Variants in EPG5 observed in about 807,000 individuals in gnomAD.
EPG5 encodes the protein ectopic P granules protein 5 homolog.
Under a neutral mutation model 302.7 loss-of-function variants are expected in EPG5, and 159 were observed. The observed-to-expected ratio is 0.53, with a 90% confidence interval of 0.46 to 0.60. The LOEUF (loss-of-function observed/expected upper bound fraction) is 0.60. Ranked by LOEUF, EPG5 falls within the 20% of genes least tolerant of loss-of-function variation. The pLI is 0.00. For synonymous variants in EPG5, 1,158 were observed against 1,136.8 expected (o/e 1.02, Z -0.37); for missense variants, 2,896 against 3,092.4 (o/e 0.94, Z 1.51).
At position 45,967,221 on chromosome 18, in the gene EPG5, G is replaced by T; in HGVS notation, c.19C>A (p.Pro7Thr). MAEAVK[P>T]QRRAKAKASR... ...GCCTTGGCCTTGGCCCGGCGCTGGGGCTTCACCGCCTCGGCCATAGACCCT... is the reference window on the plus strand; with the variant it reads ...GCCTTGGCCTTGGCCCGGCGCTGGGTCTTCACCGCCTCGGCCATAGACCCT... The change falls in exon 1 of 44, where the codon CCC becomes ACC. Residue 7 changes from proline to threonine, a missense_variant. This residue lies in a region of EPG5 where 1,390 missense variants were observed against 1,430.0 expected (regional missense o/e 0.97). Transcript: ENST00000282041. 1 of 1,604,908 alleles carries T rather than the reference G, an allele frequency of 6.2e-7. No homozygotes were observed.
chr18:45,838,827 G>A, the EPG5 span: 63 of 1,563,838 alleles, frequency 4.0e-5, 1 homozygote, highest in South Asian at 5.1e-4. Flanking sequence ...GGTCCGGCCC[G>A]GCCCTGGGCA....
rs75005183 is a variant in EPG5 at position 45,944,179 on chromosome 18, C to A, written c.1678-60G>T. ...TTGATCAGATCACACTATGATCTAG[C>A]GTTACAGGAGCTAAATTATCACAGG... On this transcript the variant is annotated intron_variant, in intron 7 of 43. Transcript: ENST00000282041. The A allele has an allele frequency of 0.085, 86,818 of 1,027,208 alleles. 4,288 individuals are homozygous for A. The highest frequency in any genetic ancestry group is 0.18 in the African/African-American group (11,094 of 63,212). 63.6% of individuals were successfully genotyped at this position (1,027,208 alleles called of 1,614,324 possible).
the EPG5 span, chr18:45,838,594 G>C: frequency 2.3e-6 from 3 of 1,307,966 alleles, no homozygotes; most frequent in East Asian, 8.2e-5. Context: ...ATTGGGACGG[G>C]GGCAGCCTGG....
intron 16 of EPG5, among the ~76,000 whole-genome samples, chr18:45,918,054 T>C (rs1489206617): frequency 6.6e-6 from 1 of 152,230 alleles, no homozygotes; most frequent in Non-Finnish European, 1.5e-5. Flanking sequence ...CATGCCCAAA[T>C]TCACATAATT....
At chr18:45,900,274 C>T (rs539549515) in intron 26 of EPG5, among the ~76,000 whole-genome samples, 3 of 151,964 alleles carry the variant, frequency 2.0e-5, no homozygotes, top group South Asian at 4.2e-4. Flanking sequence ...TGGTAGTGGG[C>T]GCCTATAGTC....
intron 7 of EPG5, 115 bp downstream of exon 7, chr18:45,946,548 T>A: frequency 1.4e-6 from 1 of 737,340 alleles, no homozygotes. Flanking sequence ...CTTTACCTCA[T>A]GGAGTTGCTG....
At chr18:45,825,432 A>C in the EPG5 span, 1 of 497,630 alleles carries the variant, frequency 2.0e-6, no homozygotes, top group Non-Finnish European at 3.6e-6. Context: ...AGCCACAGGA[A>C]ATGGCCCTGT....
rs1244830789 is a variant in EPG5 at position 45,952,594 on chromosome 18, C to T, written c.1058G>A (p.Arg353Lys). 4 of 1,614,166 alleles carry T rather than the reference C, an allele frequency of 2.5e-6. No individual in the cohort carries two copies. The highest frequency in any genetic ancestry group is 1.7e-6 in the Non-Finnish European group (2 of 1,180,008). Residue 353 changes from arginine to lysine, a missense_variant, in exon 3 of 44, where the codon AGA becomes AAA. Physicochemically the swap from Arg to Lys is conservative, Grantham distance 26 (BLOSUM62 2). Coordinates refer to ENST00000282041, the MANE Select transcript of EPG5 (RefSeq NM_020964.3). ...VKVFSYHRYQ[R>K]VEMNENALVE... ...CAGTGCATTTTCATTCATTTCTACT[C>T]TTTGGTAGCGATGATAGCTGAAAAC... is the stretch of plus-strand genomic sequence containing the variant.
At chr18:45,910,838 T>C (rs1242398319) in intron 22 of EPG5, 96 bp from the exon 23 acceptor site, 1 of 873,970 alleles carries the variant, frequency 1.1e-6, no homozygotes, top group African/African-American at 1.7e-5. Context: ...CAATTTACTG[T>C]GATTGTGGAT....
the EPG5 span, among the ~76,000 whole-genome samples, chr18:45,826,722 G>A: frequency 1.3e-5 from 2 of 152,114 alleles, no homozygotes; most frequent in Non-Finnish European, 2.9e-5. Flanking sequence ...TGGGGTCCTG[G>A]CTCCATAACT....
chr18:45,884,616 C>A lies in EPG5; in HGVS notation c.5304+1G>T, dbSNP rs1422488942. 6.3e-7 allele frequency: 1 copy of A among 1,596,414 alleles called. No homozygotes were observed. Among genetic ancestry groups the A allele is most frequent in the Non-Finnish European group, 8.5e-7 (1 of 1,174,222 alleles). On this transcript the variant is annotated splice_donor_variant, in intron 30 of 43. Transcript: ENST00000282041. LOFTEE classifies it high-confidence loss of function. ...ATGGTGAGGATGGAATTACATCTTA[C>A]CTTGGTTAGCAGCATGAAAATCATA... is the stretch of plus-strand genomic sequence containing the variant.
chr18:45,852,472 G>A lies in EPG5; in HGVS notation c.7735C>T (p.Arg2579Ter). The change falls in exon 44 of 44, where the codon CGA becomes TGA. Residue 2579 changes from arginine (R) to a stop codon, truncating the protein, a stop_gained. Transcript: ENST00000282041. LOFTEE classifies it high-confidence loss of function. The stretch of plus-strand genomic sequence containing the variant: ...TTCAAGAGCCTCAGTGTTAACTATC[G>A]TATGTGGTCCAAATAATGCACTTCT... The part of the protein sequence containing the change: ...YPEVHYLDHI[R>*] 7 of 1,613,436 alleles carry A rather than the reference G, an allele frequency of 4.3e-6. No homozygotes were observed. Among genetic ancestry groups the A allele is most frequent in the South Asian group, 1.1e-5 (1 of 90,946 alleles).
chr18:45,921,356 G>C (rs899116981), intron 16 of EPG5, among the ~76,000 whole-genome samples: 3 of 152,208 alleles, frequency 2.0e-5, no homozygotes, highest in Non-Finnish European at 4.4e-5. Flanking sequence ...AGAGGTCAAA[G>C]AGTGTGAAGA....
intron 31 of EPG5, among the ~76,000 whole-genome samples, chr18:45,881,836 AAGACTT>A (rs2049105574): frequency 6.6e-6 from 1 of 152,226 alleles, no homozygotes; most frequent in African/African-American, 2.4e-5. Flanking sequence ...ACAAGAGTAA[AAGACTT>A]AGAAAGGAAA....
chr18:45,817,516 C>T, the EPG5 span, among the ~76,000 whole-genome samples: 1 of 152,236 alleles, frequency 6.6e-6, no homozygotes, highest in East Asian at 1.9e-4. Context: ...CCCAGGGTAT[C>T]TCATGAGGTT....
intron 1 of EPG5, among the ~76,000 whole-genome samples, chr18:45,962,703 C>T (rs1437749709): frequency 6.6e-6 from 1 of 152,154 alleles, no homozygotes; most frequent in East Asian, 1.9e-4. Flanking sequence ...GGCAACAGCA[C>T]ATGACACTAT....
At chr18:45,962,759 T>C (rs1040780292) in intron 1 of EPG5, among the ~76,000 whole-genome samples, 2 of 152,160 alleles carry the variant, frequency 1.3e-5, no homozygotes, top group African/African-American at 2.4e-5. Context: ...GTTCCCTAAA[T>C]AGCTGCCAAA....
chr18:45,961,872 A>C (rs376197105), intron 1 of EPG5, among the ~76,000 whole-genome samples: 3 of 151,884 alleles, frequency 2.0e-5, no homozygotes, highest in Non-Finnish European at 4.4e-5. Flanking sequence ...AAAAAAAAAA[A>C]AAAACTATCC....
At chr18:45,828,333 C>T in the EPG5 span, among the ~76,000 whole-genome samples, 4 of 152,204 alleles carry the variant, frequency 2.6e-5, no homozygotes, top group Admixed American at 6.5e-5. Context: ...CCCCCATACT[C>T]GACACCCAGT....
Sources: gnomAD v4.1 joint callset for allele counts (sites outside exome capture counted in the v4.1 genomes callset) on GRCh38, gnomAD v4.1.1 for gene constraint, gnomAD v4.1.1 regional missense constraint, MANE v1.5 for transcripts, NCBI Gene and HGNC (gene_info 2026-07-23, HGNC 2026-07-21) for gene names.